The following DNM1L variants were observed in gnomAD, a reference collection of about 807,000 sequenced individuals.
DNM1L encodes the protein dynamin-1-like protein.
A neutral mutation model predicts 92.8 loss-of-function variants in DNM1L; 33 were observed. That is an observed-to-expected ratio of 0.36 (90% CI 0.27 to 0.48). The LOEUF (loss-of-function observed/expected upper bound fraction) is 0.48, where lower values mean the gene tolerates loss of function less well. Ranked by LOEUF, DNM1L falls within the 20% of genes least tolerant of loss-of-function variation. The pLI is 0.99. For missense variants in DNM1L, 485 were observed against 888.8 expected (o/e 0.55, Z 5.78); for synonymous variants, 284 against 305.0 (o/e 0.93, Z 0.72).
intron 5 of DNM1L, among the ~76,000 whole-genome samples, chr12:32,711,797 TG>T (rs1953135454): frequency 6.6e-6 from 1 of 152,066 alleles, no homozygotes; most frequent in Non-Finnish European, 1.5e-5. Context: ...GCAAGAGGAT[TG>T]CTTGAGCCTA....
chr12:32,685,422 G>A (rs1036624152), intron 1 of DNM1L, among the ~76,000 whole-genome samples: 6 of 144,152 alleles, frequency 4.2e-5, no homozygotes, highest in African/African-American at 1.3e-4. Flanking sequence ...GTGCTGTGGC[G>A]CTATCTTGGC....
chr12:32,708,243 C>T lies in DNM1L; in HGVS notation c.369+19C>T. The T allele has an allele frequency of 7.0e-7, 1 of 1,433,704 alleles. No individual in the cohort carries two copies. Among genetic ancestry groups the T allele is most frequent in the Non-Finnish European group, 9.8e-7 (1 of 1,016,480 alleles). 88.8% of individuals were successfully genotyped at this position (1,433,704 alleles called of 1,614,324 possible). A position where few individuals can be genotyped will look rare whatever the true frequency, so the allele number is the denominator to read the frequency against. On this transcript the variant is annotated intron_variant, in intron 4 of 19. Transcript: ENST00000549701. ...TAATAAGGTAGGCATCTTTTTAGAG[C>T]TAGAAGGCATAAGCATCAGTAAATA... is the stretch of plus-strand genomic sequence containing the variant.
chr12:32,691,237 C>T (rs896363277), intron 1 of DNM1L, among the ~76,000 whole-genome samples: 2 of 151,956 alleles, frequency 1.3e-5, no homozygotes, highest in African/African-American at 2.4e-5. Flanking sequence ...GGGCCCAGCA[C>T]CCCAGTAGCC....
intron 9 of DNM1L, among the ~76,000 whole-genome samples, chr12:32,723,961 A>T (rs1953941697): frequency 1.3e-5 from 2 of 152,196 alleles, no homozygotes; most frequent in Admixed American, 6.5e-5. Context: ...GGAAGTTTTC[A>T]TCACCTCTAA....
Position 32,732,994 on chromosome 12 carries a change from G to T in DNM1L, c.1447-721G>T, listed in dbSNP as rs1954653189. ...GCCTGTAATCCCAGCTACTGGGGAG[G>T]CTGAGGCAGGCAGGAGAATCACTTG... On this transcript the variant is annotated intron_variant, in intron 12 of 19. Transcript: ENST00000549701. 2.0e-5 allele frequency among the ~76,000 whole-genome samples: 3 copies of T among 152,308 alleles called. No individual in the cohort carries two copies. In the South Asian group the frequency reaches 6.2e-4, roughly 32 times the overall value.
intron 4 of DNM1L, among the ~76,000 whole-genome samples, chr12:32,709,800 T>C (rs1398924506): frequency 1.3e-5 from 2 of 152,214 alleles, no homozygotes; most frequent in Admixed American, 6.5e-5. Context: ...CTGAGAAATA[T>C]ACAACCTAAG....
chr12:32,680,998 C>A (rs921203046), intron 1 of DNM1L, among the ~76,000 whole-genome samples: 4 of 152,142 alleles, frequency 2.6e-5, no homozygotes, highest in Non-Finnish European at 4.4e-5. Context: ...AGTGTGTCAG[C>A]ATAAATAGTT....
Position 32,713,582 on chromosome 12 carries a change from A to T in DNM1L, c.619+211A>T, listed in dbSNP as rs7971327. 0.19 allele frequency among the ~76,000 whole-genome samples: 28,334 copies of T among 152,194 alleles called. 3,136 individuals are homozygous for T. Among genetic ancestry groups the T allele is most frequent in the African/African-American group, 0.32 (13,219 of 41,508 alleles). On this transcript the variant is annotated intron_variant, in intron 6 of 19. Transcript: ENST00000549701. ...ACAGACTAGGCGAAAATATTTTACAACTTTATTTGTAATGGTTACCTAATA... is the reference window on the plus strand; with the variant it reads ...ACAGACTAGGCGAAAATATTTTACATCTTTATTTGTAATGGTTACCTAATA...
At chr12:32,724,731 T>C (rs1457612279) in intron 9 of DNM1L, among the ~76,000 whole-genome samples, 9 of 149,110 alleles carry the variant, frequency 6.0e-5, no homozygotes, top group Non-Finnish European at 1.3e-4. Context: ...ATAGTTTAGT[T>C]TGATAACTGT....
At chr12:32,718,946 G>A (rs539495802) in intron 7 of DNM1L, among the ~76,000 whole-genome samples, 183 bp downstream of exon 7, 2 of 149,970 alleles carry the variant, frequency 1.3e-5, no homozygotes, top group African/African-American at 2.5e-5. Context: ...AGGGAGAAAA[G>A]AGAGAGAATT....
intron 9 of DNM1L, chr12:32,727,096 C>T: frequency 4.1e-6 from 3 of 726,078 alleles, no homozygotes; most frequent in Non-Finnish European, 7.7e-6. Flanking sequence ...TCGTTTTTCT[C>T]ATCTTCAGTC....
intron 1 of DNM1L, among the ~76,000 whole-genome samples, chr12:32,687,022 C>T (rs1952042893): frequency 6.8e-6 from 1 of 146,176 alleles, no homozygotes; most frequent in Non-Finnish European, 1.5e-5. Context: ...CTCAGGTGAT[C>T]CGCCTGCCTT....
chr12:32,712,096 C>T (rs1389092389), intron 5 of DNM1L, among the ~76,000 whole-genome samples: 2 of 152,118 alleles, frequency 1.3e-5, no homozygotes, highest in Non-Finnish European at 2.9e-5. Context: ...GATTACTGCA[C>T]AATAATCAAT....
chr12:32,736,995 G>A (rs1347423744), intron 13 of DNM1L, 110 bp from the exon 14 acceptor site: 1 of 980,788 alleles, frequency 1.0e-6, no homozygotes, highest in East Asian at 2.6e-5. Flanking sequence ...CCAACAGTGA[G>A]AGGATGTATC....
intron 1 of DNM1L, 72 bp from the exon 2 acceptor site, chr12:32,701,343 A>T: frequency 7.6e-7 from 1 of 1,314,398 alleles, no homozygotes; most frequent in Non-Finnish European, 1.1e-6. Flanking sequence ...CTGGTTTGTT[A>T]ATATAGTTTA....
intron 7 of DNM1L, 151 bp from the exon 8 acceptor site, chr12:32,720,513 G>A: frequency 3.4e-6 from 4 of 1,166,188 alleles, no homozygotes; most frequent in South Asian, 1.4e-5. Flanking sequence ...TATACAATGG[G>A]GTAATAATAC....
At chr12:32,683,651 T>C (rs1951889403) in intron 1 of DNM1L, among the ~76,000 whole-genome samples, 1 of 151,472 alleles carries the variant, frequency 6.6e-6, no homozygotes, top group African/African-American at 2.4e-5. Flanking sequence ...TTCAAGTGAT[T>C]CTCCTGCCTC....
At chr12:32,717,676 C>G (rs1469749597) in intron 6 of DNM1L, among the ~76,000 whole-genome samples, 2 of 76,372 alleles carry the variant, frequency 2.6e-5, no homozygotes, top group Non-Finnish European at 4.6e-5. Context: ...AATACATATA[C>G]CTAGGTAGAT....
At chr12:32,743,118 A>AACTC (rs967781176) in intron 19 of DNM1L, among the ~76,000 whole-genome samples, 1 of 151,666 alleles carries the variant, frequency 6.6e-6, no homozygotes, top group African/African-American at 2.4e-5. Context: ...GATAGTCTCT[A>AACTC]ACTCCTGACC....
Sources: gnomAD v4.1 joint callset for allele counts (sites outside exome capture counted in the v4.1 genomes callset) on GRCh38, gnomAD v4.1.1 for gene constraint, MANE v1.5 for transcripts, NCBI Gene and HGNC (gene_info 2026-07-23, HGNC 2026-07-21) for gene names.